The following PDS5B variants were observed in gnomAD, a reference collection of about 807,000 sequenced individuals.
PDS5B encodes sister chromatid cohesion protein PDS5 homolog B.
In PDS5B, 51 loss-of-function variants were observed where a neutral mutation model predicts 184.1. The observed-to-expected ratio is 0.28, with a 90% CI of 0.22 to 0.35. The LOEUF (loss-of-function observed/expected upper bound fraction) is 0.35, where lower values mean the gene tolerates loss of function less well. Ranked by LOEUF, PDS5B falls within the 10% of genes least tolerant of loss-of-function variation. PDS5B has a pLI of 1.00. For missense variants in PDS5B, 1,180 were observed against 1,723.3 expected, an observed-to-expected ratio of 0.68 and a Z score of 5.58; for synonymous variants, 566 against 569.2, an observed-to-expected ratio of 0.99 and a Z score of 0.08.
chr13:32,701,422 G>A lies in PDS5B; in HGVS notation c.1840G>A (p.Asp614Asn). The A allele has an allele frequency of 6.3e-7, 1 of 1,592,476 alleles. No individual in the cohort carries two copies. Among genetic ancestry groups the A allele is most frequent in the Non-Finnish European group, 8.6e-7 (1 of 1,162,048 alleles). The change falls in exon 17 of 35, where the codon GAT becomes AAT. Residue 614 changes from aspartate to asparagine, a missense_variant. Physicochemically the swap from Asp to Asn is conservative, Grantham distance 23 (BLOSUM62 1). Transcript: ENST00000315596. ...LLERIAPVHI[D>N]TESISALIKQ... Reference sequence around the variant, plus strand: ...GGAGAGGATAGCACCTGTGCACATAGATACCGAATCTATCAGGTATTTGTA... The same window carrying A: ...GGAGAGGATAGCACCTGTGCACATAAATACCGAATCTATCAGGTATTTGTA...
intron 31 of PDS5B, among the ~76,000 whole-genome samples, chr13:32,769,737 A>G: frequency 6.6e-6 from 1 of 152,330 alleles, no homozygotes; most frequent in East Asian, 1.9e-4. Context: ...TGGTAAAATT[A>G]GAATTACTTA....
At chr13:32,677,960 G>T (rs1377806183) in intron 9 of PDS5B, among the ~76,000 whole-genome samples, 1 of 151,946 alleles carries the variant, frequency 6.6e-6, no homozygotes, top group Admixed American at 6.6e-5. Flanking sequence ...TAAACATCAT[G>T]TGCTTCCTGA....
intron 7 of PDS5B, among the ~76,000 whole-genome samples, chr13:32,671,123 T>G (rs1950924725): frequency 6.6e-6 from 1 of 152,248 alleles, no homozygotes; most frequent in Non-Finnish European, 1.5e-5. Flanking sequence ...TATCATACTG[T>G]CTTTTGCATA....
At chr13:32,675,592 A>G (rs1313455555) in intron 8 of PDS5B, among the ~76,000 whole-genome samples, 1 of 152,220 alleles carries the variant, frequency 6.6e-6, no homozygotes, top group Non-Finnish European at 1.5e-5. Context: ...GGCCTCTAAC[A>G]TTGGAACAAA....
At chr13:32,699,257 T>A (rs1951797221) in intron 15 of PDS5B, among the ~76,000 whole-genome samples, 1 of 152,214 alleles carries the variant, frequency 6.6e-6, no homozygotes, top group Non-Finnish European at 1.5e-5. Flanking sequence ...GATAGGTTGC[T>A]CAGTATATAT....
In PDS5B at chr13:32,673,272, T is replaced by A; in HGVS notation, c.762T>A (p.His254Gln). 6.2e-7 allele frequency: 1 copy of A among 1,613,086 alleles called. No homozygotes were observed. Among genetic ancestry groups the A allele is most frequent in the East Asian group, 2.2e-5 (1 of 44,816 alleles). ...GKTSISDLSEHVFDLILELYN... is the reference protein window; with the variant it reads ...GKTSISDLSEQVFDLILELYN... ...CATCTATCAGCGATTTGTCAGAGCA[T>A]GTCTTTGACTTAATTTTGGAGCTCT... The change falls in exon 8 of 35, where the codon CAT (histidine) becomes CAA (glutamine). Residue 254 changes from histidine to glutamine, a missense_variant. His to Gln is a conservative substitution (Grantham distance 24). This residue lies in a region of PDS5B where 79 missense variants were observed against 124.6 expected (regional missense o/e 0.63). Coordinates refer to ENST00000315596, the MANE Select transcript of PDS5B (RefSeq NM_015032.4).
intron 13 of PDS5B, among the ~76,000 whole-genome samples, chr13:32,693,890 C>T: frequency 6.6e-6 from 1 of 151,634 alleles, no homozygotes; most frequent in East Asian, 1.9e-4. Context: ...CCCATTCTCT[C>T]ATAACTAATT....
intron 18 of PDS5B, 26 bp from the exon 19 acceptor site, chr13:32,709,920 A>C: frequency 7.7e-7 from 1 of 1,294,426 alleles, no homozygotes; most frequent in East Asian, 2.7e-5. Flanking sequence ...AAGTTTTACA[A>C]ATCATTTTTA....
At chr13:32,686,720 G>T (rs909309815) in intron 11 of PDS5B, among the ~76,000 whole-genome samples, 8 of 152,206 alleles carry the variant, frequency 5.3e-5, no homozygotes, top group Non-Finnish European at 1.0e-4. Flanking sequence ...AGTTGTTCAT[G>T]ACTTTGGTGA....
intron 2 of PDS5B, 39 bp downstream of exon 2, chr13:32,648,919 C>A: frequency 1.1e-6 from 1 of 909,284 alleles, no homozygotes; most frequent in Non-Finnish European, 1.9e-6. Flanking sequence ...CTGTGTAGGG[C>A]AGAGGTCCCC....
At chr13:32,668,214 A>G (rs1950851028) in intron 7 of PDS5B, among the ~76,000 whole-genome samples, 1 of 152,192 alleles carries the variant, frequency 6.6e-6, no homozygotes, top group South Asian at 2.1e-4. Context: ...TGGAGCTTAA[A>G]TTGATTTGTA....
chr13:32,751,018 A>G (rs946391892), intron 24 of PDS5B, among the ~76,000 whole-genome samples: 2 of 152,092 alleles, frequency 1.3e-5, no homozygotes, highest in South Asian at 2.1e-4. Flanking sequence ...TAGTTTTTCC[A>G]TCTTCACCCT....
At chr13:32,604,901 T>C (rs2058036483) in intron 1 of PDS5B, among the ~76,000 whole-genome samples, 2 of 152,280 alleles carry the variant, frequency 1.3e-5, no homozygotes, top group Non-Finnish European at 2.9e-5. Flanking sequence ...TTTGTATTTC[T>C]GTGGGATTGG....
intron 1 of PDS5B, among the ~76,000 whole-genome samples, chr13:32,605,760 G>A (rs1046342144): frequency 3.3e-5 from 5 of 150,672 alleles, no homozygotes; most frequent in Admixed American, 3.3e-4. Flanking sequence ...CTCCTGTATT[G>A]GGTGCATAAA....
chr13:32,719,382 C>G (rs1163730341), intron 19 of PDS5B, among the ~76,000 whole-genome samples: 1 of 152,082 alleles, frequency 6.6e-6, no homozygotes, highest in Non-Finnish European at 1.5e-5. Context: ...AGGGTTTTGC[C>G]ATGTTGCCCA....
intron 1 of PDS5B, among the ~76,000 whole-genome samples, chr13:32,609,757 G>T (rs2058112705): frequency 6.6e-6 from 1 of 152,072 alleles, no homozygotes. Flanking sequence ...TCTTTTGTTG[G>T]TCATGAAGAG....
At chr13:32,679,810 C>T (rs1376127615) in intron 10 of PDS5B, among the ~76,000 whole-genome samples, 1 of 151,918 alleles carries the variant, frequency 6.6e-6, no homozygotes, top group African/African-American at 2.4e-5. Flanking sequence ...TAGGGCCATC[C>T]ATTCTTCCTC....
chr13:32,720,746 A>C (rs1344177462), intron 19 of PDS5B, among the ~76,000 whole-genome samples: 1 of 151,886 alleles, frequency 6.6e-6, no homozygotes, highest in East Asian at 1.9e-4. Flanking sequence ...GCAGATAAAC[A>C]TGTGAACAAA....
chr13:32,612,228 G>A (rs2058155174), intron 1 of PDS5B, among the ~76,000 whole-genome samples: 1 of 151,912 alleles, frequency 6.6e-6, no homozygotes, highest in Admixed American at 6.6e-5. Context: ...CCCAAGCCCA[G>A]CTAATTTTTT....
Sources: allele counts gnomAD v4.1 joint callset (sites outside exome capture counted in the v4.1 genomes callset), GRCh38; gene constraint gnomAD v4.1.1; regional missense constraint gnomAD v4.1.1; transcripts MANE v1.5; gene names NCBI Gene and HGNC (gene_info 2026-07-23, HGNC 2026-07-21).